MTF1: variants seen among roughly 807,000 people sequenced by gnomAD.
MTF1 encodes the protein MRE-binding transcription factor.
In MTF1, 22 loss-of-function variants were observed where a neutral mutation model predicts 70.4. The ratio of observed to expected loss-of-function variants is 0.31; its 90% CI spans 0.22 to 0.45. MTF1 has a LOEUF of 0.45. MTF1 is among the 20% of genes least tolerant of loss of function. The pLI is 1.00. For synonymous variants in MTF1, 333 were observed against 352.8 expected (o/e 0.94, Z 0.63); for missense variants, 649 against 922.0 (o/e 0.70, Z 3.83).
intron 4 of MTF1, among the ~76,000 whole-genome samples, chr1:37,836,197 T>C (rs1361937665): frequency 1.3e-5 from 2 of 152,082 alleles, no homozygotes; most frequent in Non-Finnish European, 2.9e-5. Flanking sequence ...TGAGAGGTTC[T>C]TGAAAAAGTA....
rs992838822 is a variant in MTF1 at position 37,812,088 on chromosome 1, G to C, written c.*3048C>G. On this transcript the variant is annotated 3_prime_UTR_variant, in exon 11 of 11. Transcript: ENST00000373036. ...TTGGAGATGTTAGTAGGAGCTAGAA[G>C]ATAACGTACAGGGTGAAAATGGTTA... 1.3e-5 allele frequency: 2 copies of C among 152,680 alleles called. No homozygotes were observed. Among genetic ancestry groups the C allele is most frequent in the African/African-American group, 4.8e-5 (2 of 41,464 alleles). The allele number at this position is 152,680 out of a possible 1,614,324, so 9.5% of individuals were successfully genotyped here.
chr1:37,840,229 T>C lies in MTF1; in HGVS notation c.409-71A>G. ...AGGGCTTAACTCCCCCACCCAGAGC[T>C]CAGCTCCCAAGAGATGCTGTGGACA... On this transcript the variant is annotated intron_variant, in intron 2 of 10. Coordinates refer to ENST00000373036, the MANE Select transcript of MTF1 (RefSeq NM_005955.3). The surrounding 1 kb of genome is among the most constrained non-coding windows in gnomAD (Gnocchi z 4.5). 7.3e-7 allele frequency: 1 copy of C among 1,377,398 alleles called. No homozygotes were observed. Among genetic ancestry groups the C allele is most frequent in the Non-Finnish European group, 1.0e-6 (1 of 971,722 alleles). The allele number at this position is 1,377,398 out of a possible 1,614,324, so 85.3% of individuals were successfully genotyped here. A position where few individuals can be genotyped will look rare whatever the true frequency, so the allele number is the denominator to read the frequency against.
chr1:37,828,549 C>G (rs1224359121), intron 7 of MTF1, among the ~76,000 whole-genome samples: 1 of 152,192 alleles, frequency 6.6e-6, no homozygotes, highest in Non-Finnish European at 1.5e-5. Context: ...AGGTGATCCG[C>G]CTACCTCAGC....
Position 37,857,408 on chromosome 1 carries a change from A to G in MTF1, c.251T>C (p.Ile84Thr), listed in dbSNP as rs1000640324. ...LVGGEEGFHL[I>T]DHEAMSQGYV... ...ACCCTGGGACATTGCTTCATGATCT[A>G]TCAGGTGAAAGCCCTCTTCACCCCC... The change falls in exon 2 of 11, where the codon ATA becomes ACA. Residue 84 changes from isoleucine (I) to threonine (T), a missense_variant. Transcript: ENST00000373036. The G allele has an allele frequency of 3.7e-6, 6 of 1,614,058 alleles. No homozygotes were observed. Among genetic ancestry groups the G allele is most frequent in the Non-Finnish European group, 5.1e-6 (6 of 1,180,048 alleles).
At chr1:37,818,224 A>G (rs539566812) in intron 9 of MTF1, among the ~76,000 whole-genome samples, 4 of 152,134 alleles carry the variant, frequency 2.6e-5, no homozygotes, top group South Asian at 2.1e-4. Flanking sequence ...CTGGGTCATG[A>G]ATGAATTAAT....
At chr1:37,851,065 T>C (rs1423737427) in intron 2 of MTF1, among the ~76,000 whole-genome samples, 2 of 152,196 alleles carry the variant, frequency 1.3e-5, no homozygotes, top group East Asian at 1.9e-4. Context: ...TGGATTTTAA[T>C]GCCAAAATAA....
At chr1:37,843,796 T>C (rs1641292328) in intron 2 of MTF1, among the ~76,000 whole-genome samples, 2 of 152,214 alleles carry the variant, frequency 1.3e-5, no homozygotes, top group Admixed American at 6.5e-5. Flanking sequence ...GGCCACAGTA[T>C]GCTAACCTCT....
intron 9 of MTF1, among the ~76,000 whole-genome samples, chr1:37,818,808 T>TA (rs1640862811): frequency 6.7e-6 from 1 of 149,958 alleles, no homozygotes; most frequent in Non-Finnish European, 1.5e-5. Context: ...TCCTGGCTAA[T>TA]ACGGTGAAAC....
intron 2 of MTF1, among the ~76,000 whole-genome samples, chr1:37,847,632 G>A (rs1156292587): frequency 6.6e-6 from 1 of 152,158 alleles, no homozygotes; most frequent in African/African-American, 2.4e-5. Context: ...TAAGAGAGAG[G>A]AGTGGCAAGA....
intron 2 of MTF1, among the ~76,000 whole-genome samples, chr1:37,853,736 C>A (rs573449395): frequency 1.3e-5 from 2 of 152,284 alleles, no homozygotes; most frequent in African/African-American, 4.8e-5. Flanking sequence ...CAAAGACTTC[C>A]CTGATCCCAG....
Position 37,859,554 on chromosome 1 carries a change from G to C in MTF1, c.-75C>G. ...ACCTCCGCGGCTCCCGGCAACGGCG[G>C]CAGCAGCAGCTTCTCCCCTCCCCAG... On this transcript the variant is annotated 5_prime_UTR_variant, in exon 1 of 11. Coordinates refer to ENST00000373036, the MANE Select transcript of MTF1 (RefSeq NM_005955.3). 2.5e-6 allele frequency: 1 copy of C among 399,102 alleles called. No homozygotes were observed. Among genetic ancestry groups the C allele is most frequent in the Non-Finnish European group, 4.4e-6 (1 of 226,470 alleles). The allele number at this position is 399,102 out of a possible 1,614,324, so 24.7% of individuals were successfully genotyped here. A position where few individuals can be genotyped will look rare whatever the true frequency, so the allele number is the denominator to read the frequency against.
chr1:37,856,170 CTTTTTTTTTTTTT>C (rs869062644), intron 2 of MTF1, among the ~76,000 whole-genome samples: 9 of 74,198 alleles, frequency 1.2e-4, no homozygotes, highest in African/African-American at 3.1e-4. Flanking sequence ...CCTGAATTTC[CTTTTTTTTTTTTT>C]TTTTTTTTTT....
chr1:37,827,536 G>A (rs1222948819), intron 7 of MTF1, among the ~76,000 whole-genome samples: 1 of 151,850 alleles, frequency 6.6e-6, no homozygotes, highest in Non-Finnish European at 1.5e-5. Context: ...TTTGTTTTTT[G>A]TATTTTTAGT....
chr1:37,846,580 T>C (rs1248875949), intron 2 of MTF1, among the ~76,000 whole-genome samples: 1 of 152,096 alleles, frequency 6.6e-6, no homozygotes, highest in Non-Finnish European at 1.5e-5. Flanking sequence ...TTTCAGAGAA[T>C]TGATGCTGAT....
At chr1:37,816,674 C>CAAAAAAAAAAA (rs35764920) in intron 10 of MTF1, among the ~76,000 whole-genome samples, 1 of 96,060 alleles carries the variant, frequency 1.0e-5, no homozygotes, top group Non-Finnish European at 2.0e-5. Context: ...GACTCCATCT[C>CAAAAAAAAAAA]AAAAAAAAAA....
intron 8 of MTF1, 53 bp from the exon 9 acceptor site, chr1:37,822,769 G>T: frequency 7.5e-7 from 1 of 1,335,642 alleles, no homozygotes; most frequent in Non-Finnish European, 1.0e-6. Flanking sequence ...CCTTAGATGA[G>T]CCACAAAAAC....
intron 9 of MTF1, among the ~76,000 whole-genome samples, chr1:37,819,025 G>C (rs1019480317): frequency 2.6e-5 from 4 of 152,022 alleles, no homozygotes; most frequent in African/African-American, 7.2e-5. Flanking sequence ...GAGGAAGAGA[G>C]GCCCGAGCTA....
chr1:37,833,348 T>TCC (rs1641117107), intron 6 of MTF1, among the ~76,000 whole-genome samples: 1 of 152,196 alleles, frequency 6.6e-6, no homozygotes, highest in Admixed American at 6.5e-5. Flanking sequence ...AAGTCAATGG[T>TCC]CCTTCCACCA....
chr1:37,850,790 A>G (rs1375393591), intron 2 of MTF1, among the ~76,000 whole-genome samples: 2 of 152,202 alleles, frequency 1.3e-5, no homozygotes, highest in Non-Finnish European at 2.9e-5. Flanking sequence ...ACTCCACACT[A>G]TATGAAACAA....
Sources: gnomAD v4.1 joint callset for allele counts (sites outside exome capture counted in the v4.1 genomes callset) on GRCh38, gnomAD v4.1.1 for gene constraint, Gnocchi (gnomAD v3.1) non-coding constraint, MANE v1.5 for transcripts, NCBI Gene and HGNC (gene_info 2026-07-23, HGNC 2026-07-21) for gene names.